The following EGFLAM variants were observed in gnomAD, a reference collection of about 807,000 sequenced individuals.
EGFLAM encodes the protein EGF like, fibronectin type III and laminin G domains.
Under a neutral mutation model 113.1 loss-of-function variants are expected in EGFLAM, and 79 were observed. That is an observed-to-expected ratio of 0.70 (90% confidence interval 0.58 to 0.84). The LOEUF is 0.84. Ranked by LOEUF, EGFLAM falls within the 40% of genes least tolerant of loss-of-function variation. The pLI, the probability that EGFLAM is intolerant of heterozygous loss-of-function variation, is 0.00. For missense variants in EGFLAM, 1,265 were observed against 1,291.6 expected, an observed-to-expected ratio of 0.98 and a Z score of 0.32; for synonymous variants, 504 against 487.6, an observed-to-expected ratio of 1.03 and a Z score of -0.44.
chr5:38,288,328 G>T (rs999272723), intron 1 of EGFLAM, among the ~76,000 whole-genome samples: 3 of 152,046 alleles, frequency 2.0e-5, no homozygotes, highest in African/African-American at 7.2e-5. Flanking sequence ...TAACTTTTGG[G>T]GTTATGAAAG....
At position 38,457,025 on chromosome 5, in the gene EGFLAM, C is replaced by A. The variant is rs114210026; in HGVS notation, c.2688-1286C>A. Among the ~76,000 whole-genome samples the A allele has an allele frequency of 2.3e-3, 353 of 152,296 alleles. 2 individuals carry two copies. The highest frequency in any genetic ancestry group is 0.017 in the Middle Eastern group (5 of 294). On this transcript the variant is annotated intron_variant, in intron 19 of 21. Transcript: ENST00000322350. ...GGGGGATATTTCTCTCTGGTAACAA[C>A]ATGTTCATGTTTTCTGAAACCCTTA...
intron 19 of EGFLAM, among the ~76,000 whole-genome samples, chr5:38,457,033 T>G (rs190037300): frequency 1.2e-3 from 187 of 152,346 alleles, no homozygotes; most frequent in African/African-American, 4.2e-3. Context: ...AACATGTTCA[T>G]GTTTTCTGAA....
At chr5:38,265,631 G>A (rs550281834) in intron 1 of EGFLAM, among the ~76,000 whole-genome samples, 1 of 152,216 alleles carries the variant, frequency 6.6e-6, no homozygotes, top group African/African-American at 2.4e-5. Context: ...GGACCCCAGG[G>A]TGTAGCTTCA....
chr5:38,441,009 T>C (rs922018231), intron 17 of EGFLAM, among the ~76,000 whole-genome samples: 1 of 152,184 alleles, frequency 6.6e-6, no homozygotes, highest in Non-Finnish European at 1.5e-5. Context: ...AGACAAATCC[T>C]GGAGCAGTTC....
At chr5:38,433,643 C>T (rs1284646042) in intron 15 of EGFLAM, among the ~76,000 whole-genome samples, 1 of 152,144 alleles carries the variant, frequency 6.6e-6, no homozygotes, top group African/African-American at 2.4e-5. Flanking sequence ...AATTTTTTTT[C>T]CTAGCAGCCA....
intron 17 of EGFLAM, among the ~76,000 whole-genome samples, chr5:38,439,386 TAA>T (rs3214563): frequency 6.8e-5 from 9 of 133,094 alleles, no homozygotes; most frequent in Non-Finnish European, 9.8e-5. Flanking sequence ...CCCAGGAACT[TAA>T]AAAAAAAAAA....
At chr5:38,357,956 G>T (rs1475139945) in intron 5 of EGFLAM, among the ~76,000 whole-genome samples, 8 of 143,572 alleles carry the variant, frequency 5.6e-5, no homozygotes, top group Admixed American at 1.5e-4. Flanking sequence ...TCTGCCTCAC[G>T]GGTTAAGTGA....
intron 17 of EGFLAM, among the ~76,000 whole-genome samples, chr5:38,442,544 A>C (rs1742581930): frequency 6.6e-6 from 1 of 151,932 alleles, no homozygotes; most frequent in Admixed American, 6.6e-5. Flanking sequence ...TATAGGAAAA[A>C]AATTTCAATT....
chr5:38,434,349 C>T (rs1742279567), intron 15 of EGFLAM, among the ~76,000 whole-genome samples: 1 of 152,196 alleles, frequency 6.6e-6, no homozygotes, highest in Admixed American at 6.5e-5. Flanking sequence ...ATCACCTGCT[C>T]TTTTACTTGT....
chr5:38,282,958 C>T (rs1422046927), intron 1 of EGFLAM, among the ~76,000 whole-genome samples: 1 of 152,154 alleles, frequency 6.6e-6, no homozygotes, highest in Non-Finnish European at 1.5e-5. Context: ...GATCCTCCCA[C>T]CTCAGCCCCC....
intron 5 of EGFLAM, among the ~76,000 whole-genome samples, chr5:38,367,969 T>G (rs1175517360): frequency 1.3e-5 from 2 of 152,242 alleles, no homozygotes; most frequent in Non-Finnish European, 2.9e-5. Context: ...GAGTTTTTCT[T>G]TTCTGCATTA....
In EGFLAM at chr5:38,425,009, A is replaced by G. The variant is rs369523285; in HGVS notation, c.1727A>G (p.His576Arg). ...SGICDEASCIHGGTCTAIKAD... is the reference protein window; with the variant it reads ...SGICDEASCIRGGTCTAIKAD... The stretch of plus-strand genomic sequence containing the variant: ...ATCTGTGATGAGGCCTCGTGCATCC[A>G]TGGTGGCACCTGCACAGCAATCAAA... The change falls in exon 13 of 22, where the codon CAT becomes CGT. Residue 576 changes from histidine (H) to arginine (R), a missense_variant. Physicochemically the swap from His to Arg is conservative, Grantham distance 29. Coordinates refer to ENST00000322350, the MANE Select transcript of EGFLAM (RefSeq NM_152403.4). The G allele has an allele frequency of 1.9e-6, 3 of 1,613,990 alleles. No individual in the cohort carries two copies. Among genetic ancestry groups the G allele is most frequent in the African/African-American group, 2.7e-5 (2 of 74,916 alleles).
intron 14 of EGFLAM, among the ~76,000 whole-genome samples, chr5:38,430,806 G>A (rs1318068839): frequency 6.6e-6 from 1 of 152,134 alleles, no homozygotes; most frequent in Non-Finnish European, 1.5e-5. Flanking sequence ...AGCCCATGAT[G>A]TCCGTTCCAG....
At chr5:38,328,805 G>T (rs2111917666) in intron 1 of EGFLAM, among the ~76,000 whole-genome samples, 1 of 137,996 alleles carries the variant, frequency 7.2e-6, no homozygotes, top group East Asian at 2.3e-4. Flanking sequence ...ATATGCATAA[G>T]TTTTATAATA....
intron 6 of EGFLAM, among the ~76,000 whole-genome samples, chr5:38,383,116 C>A (rs1740558976): frequency 6.6e-6 from 1 of 152,180 alleles, no homozygotes. Context: ...TAGATTGCGT[C>A]AGATAGAGGG....
At chr5:38,348,625 T>C (rs1579803904) in intron 3 of EGFLAM, among the ~76,000 whole-genome samples, 1 of 152,108 alleles carries the variant, frequency 6.6e-6, no homozygotes, top group African/African-American at 2.4e-5. Flanking sequence ...AGTGGCCAGG[T>C]GGGCGTAAGT....
intron 15 of EGFLAM, among the ~76,000 whole-genome samples, chr5:38,432,890 A>C (rs1352550490): frequency 6.6e-6 from 1 of 152,206 alleles, no homozygotes; most frequent in African/African-American, 2.4e-5. Context: ...TGAAACCAAT[A>C]CGGTGACACC....
intron 19 of EGFLAM, 114 bp downstream of exon 19, chr5:38,451,572 A>G: frequency 2.8e-6 from 4 of 1,440,066 alleles, no homozygotes; most frequent in Non-Finnish European, 3.7e-6. Flanking sequence ...AATTGGCTGA[A>G]GCCTGAAGCT....
At position 38,264,867 on chromosome 5, in the gene EGFLAM, G is replaced by A. The variant is rs140257542; in HGVS notation, c.97+6016G>A. On this transcript the variant is annotated intron_variant, in intron 1 of 21. Coordinates refer to ENST00000322350, the MANE Select transcript of EGFLAM (RefSeq NM_152403.4). The stretch of plus-strand genomic sequence containing the variant: ...CAGCACCCAACTCCTAGCGCCCCAC[G>A]CAATTCAGGCAGACAGAAATGTTTT... Among the ~76,000 whole-genome samples, 11 of 152,268 alleles carry A rather than the reference G, an allele frequency of 7.2e-5. No individual in the cohort carries two copies. The East Asian group carries it at 1.4e-3, about 19-fold the overall frequency.
Sources: gnomAD v4.1 joint callset for allele counts (sites outside exome capture counted in the v4.1 genomes callset) on GRCh38, gnomAD v4.1.1 for gene constraint, MANE v1.5 for transcripts, NCBI Gene and HGNC (gene_info 2026-07-23, HGNC 2026-07-21) for gene names.